Variants in ATP13A1 observed in about 807,000 individuals in gnomAD.
The protein encoded by ATP13A1 is ATPase 13A1.
A neutral mutation model predicts 134.8 loss-of-function variants in ATP13A1; 55 were observed. The observed-to-expected ratio is 0.41, with a 90% CI of 0.33 to 0.51. The LOEUF (loss-of-function observed/expected upper bound fraction) is 0.51, where lower values mean the gene tolerates loss of function less well. ATP13A1 is among the 20% of genes least tolerant of loss of function. The pLI is 0.29. For missense variants in ATP13A1, 1,389 were observed against 1,652.8 expected (o/e 0.84, Z 2.77); for synonymous variants, 775 against 725.1 (o/e 1.07, Z -1.10).
Position 19,655,566 on chromosome 19 carries a change from A to C in ATP13A1, c.1358T>G (p.Val453Gly). 6.2e-7 allele frequency: 1 copy of C among 1,613,976 alleles called. No homozygotes were observed. The highest frequency in any genetic ancestry group is 8.5e-7 in the Non-Finnish European group (1 of 1,179,872). Residue 453 changes from valine to glycine, a missense_variant, in exon 10 of 26, where the codon GTG becomes GGG. Val to Gly is a moderately radical substitution (Grantham distance 109). Around this residue, in one of 4 missense-constraint regions of ATP13A1, gnomAD observed 747 missense variants for 956.1 expected, o/e 0.78. Transcript: ENST00000357324. The surrounding 1 kb of genome is among the most constrained non-coding windows in gnomAD (Gnocchi z 5.7). The part of the protein sequence containing the change: ...ETFIFILFLL[V>G]FAIAAAAYVW... ...ATAGGCAGCTGCAGCGATGGCAAACACCAGGAGGAAGAGGATGAAGATGAA... is the reference window on the plus strand; with the variant it reads ...ATAGGCAGCTGCAGCGATGGCAAACCCCAGGAGGAAGAGGATGAAGATGAA...
At chr19:19,662,260 G>T in intron 1 of ATP13A1, 1 of 1,469,226 alleles carries the variant, frequency 6.8e-7, no homozygotes, top group Non-Finnish European at 9.0e-7. Flanking sequence ...AAGCTACCAC[G>T]TTGAGCTCCT....
At chr19:19,662,469 G>C (rs1403774187) in intron 1 of ATP13A1, 13 of 721,870 alleles carry the variant, frequency 1.8e-5, no homozygotes, top group Non-Finnish European at 2.2e-5. Flanking sequence ...ATATACCTCA[G>C]TGTCCATGGC....
In ATP13A1 at chr19:19,647,676, C is replaced by T. The variant is rs1470264544; in HGVS notation, c.2716G>A (p.Gly906Ser). The T allele has an allele frequency of 1.2e-6, 2 of 1,612,560 alleles. No homozygotes were observed. Among genetic ancestry groups the T allele is most frequent in the East Asian group, 2.2e-5 (1 of 44,870 alleles). ...PRDSPTLSNS[G>S]IRATSRTAKQ... Reference sequence around the variant, plus strand: ...GCTGTCCTGGAGGTGGCTCTGATGCCACTGTTGCTCAGGGTTGGGCTGTCC... The same window carrying T: ...GCTGTCCTGGAGGTGGCTCTGATGCTACTGTTGCTCAGGGTTGGGCTGTCC... The change falls in exon 20 of 26, where the codon GGC (glycine) becomes AGC (serine). Residue 906 changes from glycine (G) to serine (S), a missense_variant. By Grantham distance (56) the Gly-to-Ser change is moderately conservative. Around this residue, in one of 4 missense-constraint regions of ATP13A1, gnomAD observed 121 missense variants for 104.9 expected, o/e 1.15. Coordinates refer to ENST00000357324, the MANE Select transcript of ATP13A1 (RefSeq NM_020410.3). The surrounding 1 kb of genome is among the most constrained non-coding windows in gnomAD (Gnocchi z 4.8).
rs1364145737 is a variant in ATP13A1 at position 19,651,734 on chromosome 19, T to C, written c.2290A>G (p.Ile764Val). 2 of 1,613,342 alleles carry C rather than the reference T, an allele frequency of 1.2e-6. No homozygotes were observed. Among genetic ancestry groups the C allele is most frequent in the Non-Finnish European group, 1.7e-6 (2 of 1,179,638 alleles). Residue 764 changes from isoleucine to valine, a missense_variant, in exon 17 of 26, where the codon ATT becomes GTT. This residue lies in a region of ATP13A1 where 747 missense variants were observed against 956.1 expected (regional missense o/e 0.78). Transcript: ENST00000357324. The stretch of plus-strand genomic sequence containing the variant: ...AGGATCAGCGTGTGGGCCTTTTCAA[T>C]GAAGTGCAGCTCCTGGGCCACGTGG... The part of the protein sequence containing the change: ...ACHVAQELHF[I>V]EKAHTLILQP...
intron 1 of ATP13A1, chr19:19,662,029 G>A (rs1248395785): frequency 2.6e-6 from 4 of 1,556,474 alleles, no homozygotes; most frequent in East Asian, 2.4e-5. Flanking sequence ...GAAACTCAGA[G>A]AGCAGAAGCG....
rs930505280 is a variant in ATP13A1, at chr19:19,656,882, C to T, written c.941G>A (p.Ser314Asn). Reference sequence around the variant, plus strand: ...GATGTCCCCTGGTACGATCTCATCACTGGCAATGGGCCTCCACTTGCGGCT... The same window carrying T: ...GATGTCCCCTGGTACGATCTCATCATTGGCAATGGGCCTCCACTTGCGGCT... The part of the protein sequence containing the change: ...YRSRKWRPIA[S>N]DEIVPGDIVS... Residue 314 changes from serine to asparagine, a missense_variant, in exon 6 of 26, where the codon AGT becomes AAT. By Grantham distance (46) the Ser-to-Asn change is conservative (BLOSUM62 1). Transcript: ENST00000357324. This position sits in a 1 kb window ranked among gnomAD's most constrained non-coding sequence, Gnocchi z 4.6. The T allele has an allele frequency of 4.3e-6, 7 of 1,612,674 alleles. No homozygotes were observed. The East Asian group carries it at 1.3e-4, about 31-fold the overall frequency.
Position 19,647,134 on chromosome 19 carries a change from A to C in ATP13A1, c.3100T>G (p.Ser1034Ala). The C allele has an allele frequency of 6.2e-7, 1 of 1,611,750 alleles. No individual in the cohort carries two copies. The highest frequency in any genetic ancestry group is 8.5e-7 in the Non-Finnish European group (1 of 1,178,706). ...CCAGCACCTCTGGGGCCCACCTTGG[A>C]ACGGGAGATGAAGAGGAAGCAGCCG... ...LAGCFLFISR[S>A]KPLKTLSRER... Residue 1034 changes from serine (S) to alanine (A), a missense_variant, in exon 22 of 26, where the codon TCC (serine) becomes GCC (alanine). Ser to Ala is a moderately conservative substitution (Grantham distance 99, BLOSUM62 1). Coordinates refer to ENST00000357324, the MANE Select transcript of ATP13A1 (RefSeq NM_020410.3). The surrounding 1 kb of genome is among the most constrained non-coding windows in gnomAD (Gnocchi z 4.8).
chr19:19,660,297 T>G (rs962931960), intron 1 of ATP13A1, among the ~76,000 whole-genome samples: 1 of 149,468 alleles, frequency 6.7e-6, no homozygotes, highest in Admixed American at 6.7e-5. Context: ...GCCTCGCCAA[T>G]GTGGCGAAAC....
chr19:19,656,677 A>T lies in ATP13A1; in HGVS notation c.1066T>A (p.Ser356Thr). Residue 356 changes from serine (S) to threonine (T), a missense_variant, in exon 7 of 26, where the codon TCC (serine) becomes ACC (threonine). Coordinates refer to ENST00000357324, the MANE Select transcript of ATP13A1 (RefSeq NM_020410.3). The surrounding 1 kb of genome is among the most constrained non-coding windows in gnomAD (Gnocchi z 4.6). ...IVDEAMLTGE[S>T]VPQMKEPIED... ...CCAAGTACCTTCATCTGTGGCACGG[A>T]CTCCCCCGTGAGCATGGCCTCGTCT... 1.9e-6 allele frequency: 3 copies of T among 1,612,880 alleles called. No individual in the cohort carries two copies. Among genetic ancestry groups the T allele is most frequent in the Non-Finnish European group, 2.5e-6 (3 of 1,179,640 alleles).
chr19:19,651,619 C>T, intron 17 of ATP13A1, 70 bp downstream of exon 17: 1 of 1,233,874 alleles, frequency 8.1e-7, no homozygotes, highest in Non-Finnish European at 1.1e-6. Flanking sequence ...CACAGGTGGG[C>T]TGTTGCGATG....
chr19:19,651,238 C>T (rs2062022261), intron 17 of ATP13A1: 1 of 153,010 alleles, frequency 6.5e-6, no homozygotes, highest in Admixed American at 6.5e-5. Flanking sequence ...AGCGCTCCGC[C>T]TGGGGTCTGG....
In ATP13A1 at chr19:19,654,695, C is replaced by A; in HGVS notation, c.1661G>T (p.Gly554Val). ...VVRGVAGLRD[G>V]KEVTPVSSIP... Reference sequence around the variant, plus strand: ...GCTGGACACTGGGGTCACCTCCTTCCCGTCTCTGCAAGGTCGGGGAACAGC... The same window carrying A: ...GCTGGACACTGGGGTCACCTCCTTCACGTCTCTGCAAGGTCGGGGAACAGC... The change falls in exon 13 of 26, where the codon GGG (glycine) becomes GTG (valine). Residue 554 changes from glycine to valine, a missense_variant. This residue lies in a region of ATP13A1 where 747 missense variants were observed against 956.1 expected (regional missense o/e 0.78). Coordinates refer to ENST00000357324, the MANE Select transcript of ATP13A1 (RefSeq NM_020410.3). The A allele has an allele frequency of 6.2e-7, 1 of 1,611,428 alleles. No homozygotes were observed.
Position 19,647,524 on chromosome 19 carries a change from C to G in ATP13A1, c.2798G>C (p.Arg933Pro), listed in dbSNP as rs749319067. 6.2e-7 allele frequency: 1 copy of G among 1,612,196 alleles called. No homozygotes were observed. Among genetic ancestry groups the G allele is most frequent in the East Asian group, 2.2e-5 (1 of 44,870 alleles). ...SEEQPTSQRD[R>P]LSQVLRDLED... ...GAGGTCTCGCAGCACCTGGCTCAGG[C>G]GGTCCTGCAGGGTAGACAGCAGGCT... is the stretch of plus-strand genomic sequence containing the variant. The change falls in exon 21 of 26, where the codon CGC becomes CCC. Residue 933 changes from arginine (R) to proline (P), a missense_variant. By Grantham distance (103) the Arg-to-Pro change is moderately radical. This residue lies in a region of ATP13A1 where 121 missense variants were observed against 104.9 expected (regional missense o/e 1.15). Coordinates refer to ENST00000357324, the MANE Select transcript of ATP13A1 (RefSeq NM_020410.3). This position sits in a 1 kb window ranked among gnomAD's most constrained non-coding sequence, Gnocchi z 4.8.
rs371645040 is a variant in ATP13A1 at position 19,659,919 on chromosome 19, G to C, written c.465C>G (p.Leu155=). The change falls in exon 2 of 26, where the codon CTC becomes CTG. Residue 155 remains leucine (L), a synonymous_variant. Coordinates refer to ENST00000357324, the MANE Select transcript of ATP13A1 (RefSeq NM_020410.3). ...VPTPNNGSTE[L]VALHRNEGED... ...CTACCTCATTGCGGTGCAGGGCCAC[G>C]AGCTCCGTGGAGCCATTGTTGGGGG... 3 of 1,585,610 alleles carry C rather than the reference G, an allele frequency of 1.9e-6. No individual in the cohort carries two copies. The highest frequency in any genetic ancestry group is 2.3e-5 in the East Asian group (1 of 43,918).
intron 3 of ATP13A1, among the ~76,000 whole-genome samples, chr19:19,658,297 T>C (rs1007024455): frequency 6.6e-6 from 1 of 152,068 alleles, no homozygotes; most frequent in Non-Finnish European, 1.5e-5. Flanking sequence ...TTTAACTGCA[T>C]GGACGTCTTA....
intron 16 of ATP13A1, 70 bp from the exon 17 acceptor site, chr19:19,651,867 C>T (rs113428937): frequency 0.025 from 31,004 of 1,255,956 alleles, 505 homozygotes; most frequent in African/African-American, 0.043. Flanking sequence ...GACAAGGCTG[C>T]CAAGTCTCCT....
Position 19,663,496 on chromosome 19 carries a change from C to T in ATP13A1, c.171G>A (p.Arg57=), listed in dbSNP as rs1381537834. The T allele has an allele frequency of 2.6e-6, 4 of 1,535,212 alleles. No individual in the cohort carries two copies. The South Asian group carries it at 4.8e-5, about 18-fold the overall frequency. ...TGAGGCGCCGCAACAGCGCCAACCG[C>T]CGGTACGGCCACACGGCAGCCACCA... ...DELVAAVWPY[R]RLALLRRLTV... The change falls in exon 1 of 26, where the codon CGG becomes CGA. Residue 57 remains arginine, a synonymous_variant. Transcript: ENST00000357324.
At chr19:19,646,977 G>A (rs1245680962) in intron 22 of ATP13A1, 152 bp downstream of exon 22, 1 of 859,366 alleles carries the variant, frequency 1.2e-6, no homozygotes. Context: ...GTCCACACCT[G>A]CCCTGCCAGC....
At position 19,646,445 on chromosome 19, in the gene ATP13A1, C is replaced by G. The variant is rs1027966470; in HGVS notation, c.3106-98G>C. The G allele has an allele frequency of 7.2e-5, 102 of 1,416,524 alleles. 1 individual carries two copies. The highest frequency in any genetic ancestry group is 7.7e-5 in the Non-Finnish European group (79 of 1,027,902). The allele number at this position is 1,416,524 out of a possible 1,614,324, so 87.7% of individuals were successfully genotyped here. A position where few individuals can be genotyped will look rare whatever the true frequency, so the allele number is the denominator to read the frequency against. On this transcript the variant is annotated intron_variant, in intron 22 of 25. Coordinates refer to ENST00000357324, the MANE Select transcript of ATP13A1 (RefSeq NM_020410.3). The stretch of plus-strand genomic sequence containing the variant: ...TAACATCCCCTGCCTCCCGGGAGAC[C>G]TTGTGTACAGCCACCACCAAATCCT...
Sources: allele counts gnomAD v4.1 joint callset (sites outside exome capture counted in the v4.1 genomes callset), GRCh38; gene constraint gnomAD v4.1.1; regional missense constraint gnomAD v4.1.1; non-coding constraint Gnocchi (gnomAD v3.1); transcripts MANE v1.5; gene names NCBI Gene and HGNC (gene_info 2026-07-23, HGNC 2026-07-21).